HECW1: variants seen among roughly 807,000 people sequenced by gnomAD.
HECW1 encodes E3 ubiquitin-protein ligase HECW1.
In HECW1, 61 loss-of-function variants were observed where a neutral mutation model predicts 182.3. That is an observed-to-expected ratio of 0.33 (90% CI 0.27 to 0.41). The LOEUF (loss-of-function observed/expected upper bound fraction) is 0.41, where lower values mean the gene tolerates loss of function less well. HECW1 is among the 10% of genes least tolerant of loss of function. The pLI, the probability that HECW1 is intolerant of heterozygous loss-of-function variation, is 1.00. For missense variants in HECW1, 1,739 were observed against 2,108.9 expected (o/e 0.82, Z 3.44); for synonymous variants, 859 against 832.6 (o/e 1.03, Z -0.55).
rs546216477 is a variant in HECW1, at chr7:43,563,150, G to C, written c.*1224G>C. 4.9e-6 allele frequency: 1 copy of C among 202,940 alleles called. No individual in the cohort carries two copies. The highest frequency in any genetic ancestry group is 1.0e-5 in the Non-Finnish European group (1 of 98,642). 12.6% of individuals were successfully genotyped at this position (202,940 alleles called of 1,614,324 possible). A position where few individuals can be genotyped will look rare whatever the true frequency, so the allele number is the denominator to read the frequency against. On this transcript the variant is annotated 3_prime_UTR_variant, in exon 30 of 30. Transcript: ENST00000395891. ...ACATAGTACTTCTCCTTCACCCATA[G>C]TAATCCTCCTGGGGCAGAAACATAA...
chr7:43,114,546 C>T (rs543541210), intron 2 of HECW1, among the ~76,000 whole-genome samples, 155 bp downstream of exon 2: 1 of 152,168 alleles, frequency 6.6e-6, no homozygotes, highest in Admixed American at 6.5e-5. Flanking sequence ...TTCCCTGTTG[C>T]CTGTTCCCTC....
chr7:43,489,348 A>G, intron 17 of HECW1, among the ~76,000 whole-genome samples: 1 of 152,240 alleles, frequency 6.6e-6, no homozygotes, highest in South Asian at 2.1e-4. Flanking sequence ...TCAATCCCAG[A>G]AAGCCTTTAC....
intron 24 of HECW1, among the ~76,000 whole-genome samples, chr7:43,513,315 C>T (rs1000933317): frequency 1.3e-5 from 2 of 152,190 alleles, no homozygotes; most frequent in African/African-American, 4.8e-5. Flanking sequence ...CGCGTGAATG[C>T]TGCTTGTTAC....
In HECW1 at chr7:43,136,823, C is replaced by T. The variant is rs61308493; in HGVS notation, c.-32+22432C>T. 3.3e-3 allele frequency among the ~76,000 whole-genome samples: 502 copies of T among 152,280 alleles called. 6 individuals are homozygous for T. Among genetic ancestry groups the T allele is most frequent in the African/African-American group, 0.012 (491 of 41,552 alleles). On this transcript the variant is annotated intron_variant, in intron 2 of 29. Coordinates refer to ENST00000395891, the MANE Select transcript of HECW1 (RefSeq NM_015052.5). ...GGGGAGCATTATAGTCAATGCACGTCCACTCTCACTTGTTCTGGTGGTGGC... is the reference window on the plus strand; with the variant it reads ...GGGGAGCATTATAGTCAATGCACGTTCACTCTCACTTGTTCTGGTGGTGGC...
intron 19 of HECW1, 121 bp downstream of exon 19, chr7:43,493,301 G>T (rs1238709664): frequency 3.2e-6 from 2 of 615,736 alleles, no homozygotes; most frequent in South Asian, 2.2e-5. Context: ...GCATTTAAAT[G>T]AGAACTTGAA....
chr7:43,159,767 G>GC (rs11398778), intron 2 of HECW1, among the ~76,000 whole-genome samples: 76,775 of 147,630 alleles, frequency 0.52, 21,364 homozygotes, highest in African/African-American at 0.74. Context: ...TGCAAGCTCT[G>GC]CTCCCAGGTT....
chr7:43,525,625 T>C (rs933038628), intron 24 of HECW1, among the ~76,000 whole-genome samples: 2 of 152,152 alleles, frequency 1.3e-5, no homozygotes, highest in African/African-American at 4.8e-5. Flanking sequence ...GGGACAGAGG[T>C]ACAATCCTAA....
At chr7:43,505,320 A>G (rs968897500) in intron 21 of HECW1, among the ~76,000 whole-genome samples, 2 of 152,082 alleles carry the variant, frequency 1.3e-5, no homozygotes, top group African/African-American at 2.4e-5. Context: ...TCTTAAATAC[A>G]TCTCCTCTCT....
intron 2 of HECW1, among the ~76,000 whole-genome samples, chr7:43,185,728 C>T (rs1016384774): frequency 2.6e-5 from 4 of 152,082 alleles, no homozygotes; most frequent in East Asian, 3.8e-4. Context: ...AAATTCAGTA[C>T]ACACAGAATA....
chr7:43,457,320 A>G (rs1207836964), intron 13 of HECW1, among the ~76,000 whole-genome samples: 2 of 152,198 alleles, frequency 1.3e-5, no homozygotes, highest in Non-Finnish European at 2.9e-5. Context: ...TCTTGCTTTC[A>G]TGTCAAGTAT....
At chr7:43,348,212 G>A (rs1431320351) in intron 5 of HECW1, among the ~76,000 whole-genome samples, 2 of 151,850 alleles carry the variant, frequency 1.3e-5, no homozygotes, top group Non-Finnish European at 2.9e-5. Context: ...GTCTGCTCAG[G>A]GTATCTAATT....
At chr7:43,509,386 G>A (rs1370933477) in intron 24 of HECW1, 4 of 333,990 alleles carry the variant, frequency 1.2e-5, no homozygotes, top group Non-Finnish European at 2.2e-5. Context: ...GCTAAGATCA[G>A]TAGACATAGG....
chr7:43,539,758 C>T (rs928709852), intron 24 of HECW1, among the ~76,000 whole-genome samples: 2 of 152,092 alleles, frequency 1.3e-5, no homozygotes, highest in Non-Finnish European at 2.9e-5. Context: ...TGGCCACAAC[C>T]CTACTATCAT....
At chr7:43,438,171 A>G (rs372403151) in intron 9 of HECW1, 26 bp downstream of exon 9, 7 of 1,603,974 alleles carry the variant, frequency 4.4e-6, no homozygotes, top group Non-Finnish European at 6.0e-6. Flanking sequence ...AGATCTTACT[A>G]TCACTAGGTT....
intron 8 of HECW1, among the ~76,000 whole-genome samples, chr7:43,421,432 A>T (rs936780906): frequency 1.3e-5 from 2 of 152,236 alleles, no homozygotes; most frequent in African/African-American, 4.8e-5. Flanking sequence ...AAAATAAAAG[A>T]ATAATTAATT....
intron 26 of HECW1, among the ~76,000 whole-genome samples, chr7:43,544,797 C>A (rs1043794994): frequency 2.0e-5 from 3 of 152,090 alleles, no homozygotes; most frequent in Non-Finnish European, 4.4e-5. Flanking sequence ...CATGAGGACA[C>A]CCCAACCCCT....
intron 2 of HECW1, among the ~76,000 whole-genome samples, chr7:43,216,735 A>G (rs1367441786): frequency 1.3e-5 from 2 of 151,624 alleles, no homozygotes; most frequent in Admixed American, 1.3e-4. Flanking sequence ...GCTCACTGCA[A>G]CCTCTGCCTT....
At chr7:43,203,047 T>C (rs1034822234) in intron 2 of HECW1, among the ~76,000 whole-genome samples, 27 of 152,154 alleles carry the variant, frequency 1.8e-4, no homozygotes, top group African/African-American at 6.3e-4. Context: ...TGAACAGCTT[T>C]GTTGCCCACA....
intron 2 of HECW1, among the ~76,000 whole-genome samples, chr7:43,205,958 C>G (rs1795436490): frequency 6.6e-6 from 1 of 152,138 alleles, no homozygotes; most frequent in African/African-American, 2.4e-5. Context: ...AGGAGAAGGT[C>G]TTTGTTACCC....
Sources: allele counts gnomAD v4.1 joint callset (sites outside exome capture counted in the v4.1 genomes callset), GRCh38; gene constraint gnomAD v4.1.1; transcripts MANE v1.5; gene names NCBI Gene and HGNC (gene_info 2026-07-23, HGNC 2026-07-21).